The following RPH3AL variants were observed in gnomAD, a reference collection of about 807,000 sequenced individuals.
The protein encoded by RPH3AL is rab effector Noc2.
A neutral mutation model predicts 43.1 loss-of-function variants in RPH3AL; 38 were observed. The ratio of observed to expected loss-of-function variants is 0.88; its 90% CI spans 0.68 to 1.15. The LOEUF is 1.15. RPH3AL is among the 50% of genes most tolerant of loss of function. The probability of loss-of-function intolerance (pLI) is 0.00; values close to 1 mark genes in which losing one functional copy is unlikely to be tolerated. For missense variants in RPH3AL, 462 were observed against 423.2 expected (o/e 1.09, Z -0.81); for synonymous variants, 189 against 176.3 (o/e 1.07, Z -0.57).
rs2040792159 is a variant in RPH3AL, at chr17:215,987, TGGCTGCCGGGCTCTGGCCTGACCC to T, written c.728-209_728-186del. 4.8e-6 allele frequency: 2 copies of T among 414,832 alleles called. No individual in the cohort carries two copies. Among genetic ancestry groups the T allele is most frequent in the Admixed American group, 4.8e-5 (1 of 20,672 alleles). The allele number at this position is 414,832 out of a possible 1,614,324, so 25.7% of individuals were successfully genotyped here. On this transcript the variant is annotated intron_variant, in intron 8 of 9. Transcript: ENST00000331302. This position sits in a 1 kb window ranked among gnomAD's most constrained non-coding sequence, Gnocchi z 4.1. ...GGGCTCTGGCCTGACCCCACCCACA[TGGCTGCCGGGCTCTGGCCTGACCC>T]CACCCACATGGCTGCCGGGCTCTGG...
chr17:316,654 C>T (rs1487526546), intron 5 of RPH3AL, among the ~76,000 whole-genome samples: 22 of 145,304 alleles, frequency 1.5e-4, no homozygotes, highest in African/African-American at 3.1e-4. Flanking sequence ...CCTGCAGTGC[C>T]TGTGCTCCAC....
At chr17:251,255 T>C (rs1555542455) in intron 6 of RPH3AL, among the ~76,000 whole-genome samples, 1 of 152,228 alleles carries the variant, frequency 6.6e-6, no homozygotes, top group Non-Finnish European at 1.5e-5. Context: ...GGAAAACCCT[T>C]TCTGATCCTC....
intron 2 of RPH3AL, chr17:331,972 G>A: frequency 1.1e-6 from 1 of 950,286 alleles, no homozygotes; most frequent in Non-Finnish European, 1.5e-6. Flanking sequence ...AAATTCAGGA[G>A]GGAGGATGGA....
chr17:332,175 A>T, intron 2 of RPH3AL: 1 of 322,656 alleles, frequency 3.1e-6, no homozygotes, highest in South Asian at 2.6e-5. Context: ...GGGCTGGTGG[A>T]GCTCTGGCCA....
chr17:243,422 A>T (rs1442846158), intron 7 of RPH3AL, among the ~76,000 whole-genome samples: 2 of 90,266 alleles, frequency 2.2e-5, no homozygotes, highest in Non-Finnish European at 4.5e-5. Context: ...TCTATTGATT[A>T]CCCTTCCTCT....
intron 1 of RPH3AL, among the ~76,000 whole-genome samples, chr17:342,538 A>G (rs2045146295): frequency 6.6e-6 from 1 of 152,258 alleles, no homozygotes; most frequent in Admixed American, 6.5e-5. Flanking sequence ...AAAGGAATGA[A>G]GTATCGATTC....
At chr17:285,247 C>G (rs111355057) in intron 5 of RPH3AL, among the ~76,000 whole-genome samples, 11 of 152,314 alleles carry the variant, frequency 7.2e-5, no homozygotes, top group African/African-American at 2.6e-4. Context: ...AGATCCTGTT[C>G]CTGAGACGTG....
rs370068428 is a variant in RPH3AL at position 281,906 on chromosome 17, G to A, written c.352-52C>T. 79 of 1,399,398 alleles carry A rather than the reference G, an allele frequency of 5.6e-5. No homozygotes were observed. In the Middle Eastern group the frequency reaches 1.4e-3, roughly 25 times the overall value. The allele number at this position is 1,399,398 out of a possible 1,614,324, so 86.7% of individuals were successfully genotyped here. A position where few individuals can be genotyped will look rare whatever the true frequency, so the allele number is the denominator to read the frequency against. ...AAAGATTGCAGCCGCTTCCTCCTCC[G>A]CCGAGGGGCTCAGACAACTGTAACG... On this transcript the variant is annotated intron_variant, in intron 5 of 9. Transcript: ENST00000331302.
At chr17:315,298 AG>A (rs2043947024) in intron 5 of RPH3AL, among the ~76,000 whole-genome samples, 2 of 134,836 alleles carry the variant, frequency 1.5e-5, no homozygotes, top group African/African-American at 2.9e-5. Context: ...CCCCACCTCC[AG>A]TGACCTGTAG....
At chr17:272,959 CGTCAGG>C (rs2042520461) in intron 6 of RPH3AL, among the ~76,000 whole-genome samples, 1 of 40,254 alleles carries the variant, frequency 2.5e-5, no homozygotes, top group African/African-American at 6.5e-5. Context: ...GCAAGGGCTA[CGTCAGG>C]GTGAGACCCC....
rs1395251265 is a variant in RPH3AL at position 212,486 on chromosome 17, A to C, written c.*1366T>G. The C allele has an allele frequency of 6.6e-6, 1 of 152,078 alleles. No homozygotes were observed. The highest frequency in any genetic ancestry group is 6.5e-5 in the Admixed American group (1 of 15,270). The allele number at this position is 152,078 out of a possible 1,614,324, so 9.4% of individuals were successfully genotyped here. ...GGCAATCGTGGTCTTCGATCAACACACTGGCTCGGTGCAAATTTTAATCTT... is the reference window on the plus strand; with the variant it reads ...GGCAATCGTGGTCTTCGATCAACACCCTGGCTCGGTGCAAATTTTAATCTT... On this transcript the variant is annotated 3_prime_UTR_variant, in exon 10 of 10. Transcript: ENST00000331302.
At chr17:334,926 T>G (rs1330227451) in intron 1 of RPH3AL, among the ~76,000 whole-genome samples, 1 of 152,160 alleles carries the variant, frequency 6.6e-6, no homozygotes, top group East Asian at 1.9e-4. Flanking sequence ...GGCTCCTCCT[T>G]CTTCCAGGGC....
intron 5 of RPH3AL, among the ~76,000 whole-genome samples, chr17:303,807 C>G (rs1377708100): frequency 3.5e-4 from 6 of 17,310 alleles, no homozygotes; most frequent in African/African-American, 1.5e-3. Flanking sequence ...GACCGTGTCT[C>G]AGGAAAGAGA....
intron 6 of RPH3AL, among the ~76,000 whole-genome samples, chr17:272,997 A>T (rs2042531892): frequency 8.4e-6 from 1 of 119,186 alleles, no homozygotes; most frequent in African/African-American, 2.8e-5. Flanking sequence ...CGTCAGGGTG[A>T]GACCCCAGCG....
intron 6 of RPH3AL, among the ~76,000 whole-genome samples, chr17:251,101 C>T (rs1469246196): frequency 4.6e-5 from 7 of 152,212 alleles, no homozygotes; most frequent in East Asian, 3.8e-4. Flanking sequence ...GTGCCAGGCA[C>T]GGACTGCCAC....
chr17:284,295 C>T (rs757216981), intron 5 of RPH3AL, among the ~76,000 whole-genome samples: 16 of 152,290 alleles, frequency 1.1e-4, no homozygotes, highest in Admixed American at 2.0e-4. Context: ...TCGGGCTGCC[C>T]GAGGTCACAC....
At chr17:294,926 A>G (rs796829554) in intron 5 of RPH3AL, among the ~76,000 whole-genome samples, 2,150 of 21,194 alleles carry the variant, frequency 0.1, 2 homozygotes, top group East Asian at 0.33. Context: ...AGGGACAGAG[A>G]TGCTGCAGAA....
chr17:330,504 A>G (rs2044724874), intron 2 of RPH3AL, among the ~76,000 whole-genome samples: 1 of 152,254 alleles, frequency 6.6e-6, no homozygotes, highest in Non-Finnish European at 1.5e-5. Flanking sequence ...TTTGCTTTTT[A>G]AAAACTTCAG....
At position 217,483 on chromosome 17, in the gene RPH3AL, C is replaced by T. The variant is rs1228260539; in HGVS notation, c.728-1681G>A. On this transcript the variant is annotated intron_variant, in intron 8 of 9. Transcript: ENST00000331302. The stretch of plus-strand genomic sequence containing the variant: ...GACCCCCAAGGCATTTCATTCCCAT[C>T]TGGGGCAGTTATTACAGAGCCCTTC... Among the ~76,000 whole-genome samples, 10 of 59,680 alleles carry T rather than the reference C, an allele frequency of 1.7e-4. No homozygotes were observed. In the South Asian group the frequency reaches 8.9e-3, roughly 53 times the overall value. The allele number at this position is 59,680 out of a possible 152,430, so 39.2% of individuals were successfully genotyped here. A position where few individuals can be genotyped will look rare whatever the true frequency, so the allele number is the denominator to read the frequency against.
Sources: gnomAD v4.1 joint callset for allele counts (sites outside exome capture counted in the v4.1 genomes callset) on GRCh38, gnomAD v4.1.1 for gene constraint, Gnocchi (gnomAD v3.1) non-coding constraint, MANE v1.5 for transcripts, NCBI Gene and HGNC (gene_info 2026-07-23, HGNC 2026-07-21) for gene names.